The following PGM2 variants were observed in gnomAD, a reference collection of about 807,000 sequenced individuals.
PGM2 encodes the protein phosphopentomutase.
A neutral mutation model predicts 74.6 loss-of-function variants in PGM2; 57 were observed. The ratio of observed to expected loss-of-function variants is 0.76; its 90% confidence interval spans 0.62 to 0.95. PGM2 has a LOEUF of 0.95. Among genes scored for constraint, PGM2 ranks in the 40% least tolerant of loss-of-function variants. The pLI, the probability that PGM2 is intolerant of heterozygous loss-of-function variation, is 0.00. For synonymous variants in PGM2, 273 were observed against 260.7 expected (o/e 1.05, Z -0.46); for missense variants, 706 against 741.9 (o/e 0.95, Z 0.56).
chr4:37,862,039 A>T lies in PGM2; in HGVS notation c.*427A>T, dbSNP rs1020561474. On this transcript the variant is annotated 3_prime_UTR_variant, in exon 14 of 14. Transcript: ENST00000381967. The stretch of plus-strand genomic sequence containing the variant: ...GGATAGCCACTTTTTAGGTATATGT[A>T]CATTTATATTTCTATCAATTCCTTA... 6.5e-6 allele frequency: 1 copy of T among 154,242 alleles called. No individual in the cohort carries two copies. The highest frequency in any genetic ancestry group is 2.0e-4 in the South Asian group (1 of 4,988). The allele number at this position is 154,242 out of a possible 1,614,324, so 9.6% of individuals were successfully genotyped here. A position where few individuals can be genotyped will look rare whatever the true frequency, so the allele number is the denominator to read the frequency against.
At chr4:37,846,367 A>G (rs957008659) in intron 8 of PGM2, among the ~76,000 whole-genome samples, 1 of 152,160 alleles carries the variant, frequency 6.6e-6, no homozygotes, top group Non-Finnish European at 1.5e-5. Context: ...TCCATTCTAT[A>G]TCAGTGTTGA....
chr4:37,837,207 A>G (rs1725592140), intron 3 of PGM2, among the ~76,000 whole-genome samples: 1 of 152,188 alleles, frequency 6.6e-6, no homozygotes, highest in Non-Finnish European at 1.5e-5. Context: ...CCTGGCTGAG[A>G]ACCACTGAGA....
chr4:37,861,760 T>C lies in PGM2; in HGVS notation c.*148T>C. 1 of 488,618 alleles carries C rather than the reference T, an allele frequency of 2.0e-6. No homozygotes were observed. The highest frequency in any genetic ancestry group is 3.7e-6 in the Non-Finnish European group (1 of 268,906). The allele number at this position is 488,618 out of a possible 1,614,324, so 30.3% of individuals were successfully genotyped here. On this transcript the variant is annotated 3_prime_UTR_variant, in exon 14 of 14. Coordinates refer to ENST00000381967, the MANE Select transcript of PGM2 (RefSeq NM_018290.4). ...CCTACATTCCTCATTGTTTCATGTT[T>C]GACCTTTAAGGTGAAAAAAGAAAAT... is the stretch of plus-strand genomic sequence containing the variant.
chr4:37,848,579 G>A lies in PGM2; in HGVS notation c.1340G>A (p.Ser447Asn), dbSNP rs374089034. ...DKDGVSAAVI[S>N]AELASFLATK... Reference sequence around the variant, plus strand: ...GATGGAGTCAGTGCCGCTGTCATAAGTGCAGAGTTGGCTAGCTTCCTAGCA... The same window carrying A: ...GATGGAGTCAGTGCCGCTGTCATAAATGCAGAGTTGGCTAGCTTCCTAGCA... The change falls in exon 11 of 14, where the codon AGT becomes AAT. Residue 447 changes from serine to asparagine, a missense_variant. Around this residue, in one of 3 missense-constraint regions of PGM2, gnomAD observed 359 missense variants for 371.1 expected, o/e 0.97. Coordinates refer to ENST00000381967, the MANE Select transcript of PGM2 (RefSeq NM_018290.4). 20 of 1,613,604 alleles carry A rather than the reference G, an allele frequency of 1.2e-5. No homozygotes were observed. The highest frequency in any genetic ancestry group is 1.6e-4 in the Middle Eastern group (1 of 6,084).
At chr4:37,836,939 C>CA (rs1459353786) in intron 3 of PGM2, among the ~76,000 whole-genome samples, 1 of 151,968 alleles carries the variant, frequency 6.6e-6, no homozygotes, top group African/African-American at 2.4e-5. Flanking sequence ...AATCTCTAAT[C>CA]AAATTCCAGT....
At chr4:37,849,613 T>G (rs1196335103) in intron 11 of PGM2, among the ~76,000 whole-genome samples, 1 of 151,852 alleles carries the variant, frequency 6.6e-6, no homozygotes, top group African/African-American at 2.4e-5. Flanking sequence ...TTCACCATAT[T>G]GGCCAGGCTG....
chr4:37,847,540 G>C, intron 10 of PGM2: 1 of 442,786 alleles, frequency 2.3e-6, no homozygotes, highest in South Asian at 2.2e-5. Flanking sequence ...CAGTGACATT[G>C]TATGCTTGGC....
rs780802308 is a variant in PGM2 at position 37,861,566 on chromosome 4, A to G, written c.1793A>G (p.His598Arg). The part of the protein sequence containing the change: ...LNELVSAIEE[H>R]FFQPQKYNLQ... ...GAACTGGTCAGTGCTATTGAAGAAC[A>G]TTTTTTCCAGCCACAGAAGTACAAT... is the stretch of plus-strand genomic sequence containing the variant. The change falls in exon 14 of 14, where the codon CAT becomes CGT. Residue 598 changes from histidine to arginine, a missense_variant. Coordinates refer to ENST00000381967, the MANE Select transcript of PGM2 (RefSeq NM_018290.4). 6.2e-7 allele frequency: 1 copy of G among 1,613,340 alleles called. No homozygotes were observed. Among genetic ancestry groups the G allele is most frequent in the Non-Finnish European group, 8.5e-7 (1 of 1,179,580 alleles).
chr4:37,839,679 T>G (rs138416653), intron 4 of PGM2, 169 bp from the exon 5 acceptor site: 2 of 697,274 alleles, frequency 2.9e-6, no homozygotes, highest in African/African-American at 1.7e-5. Context: ...CAGTTAATTC[T>G]AAGGGTAATT....
intron 2 of PGM2, among the ~76,000 whole-genome samples, chr4:37,833,219 T>G (rs1205248679): frequency 6.6e-6 from 1 of 152,184 alleles, no homozygotes; most frequent in Non-Finnish European, 1.5e-5. Context: ...TAAATTAGCT[T>G]GGCTCTCGCA....
rs1430650465 is a variant in PGM2, at chr4:37,826,771, C to T, written c.39C>T (p.Ala13=). The change falls in exon 1 of 14, where the codon GCC becomes GCT. Residue 13 remains alanine (A), a synonymous_variant. Coordinates refer to ENST00000381967, the MANE Select transcript of PGM2 (RefSeq NM_018290.4). The part of the protein sequence containing the change: ...APEGSGLGED[A]RLDQETAQWL... ...AAGGCAGCGGTCTAGGCGAGGACGC[C>T]CGGCTGGACCAGGAGACCGCCCAGT... 1.3e-6 allele frequency: 2 copies of T among 1,549,754 alleles called. No homozygotes were observed. Among genetic ancestry groups the T allele is most frequent in the Admixed American group, 3.9e-5 (2 of 50,996 alleles).
intron 11 of PGM2, 95 bp downstream of exon 11, chr4:37,848,746 T>C: frequency 3.1e-6 from 3 of 960,534 alleles, no homozygotes; most frequent in Non-Finnish European, 3.2e-6. Context: ...TCTAATGCTC[T>C]TATTTTGGTG....
At chr4:37,856,253 C>A (rs5019417) in intron 13 of PGM2, among the ~76,000 whole-genome samples, 1 of 150,992 alleles carries the variant, frequency 6.6e-6, no homozygotes, top group Non-Finnish European at 1.5e-5. Flanking sequence ...GGCGTGGTGG[C>A]GGGCGCCTGT....
chr4:37,861,426 TG>T, intron 13 of PGM2, 83 bp from the exon 14 acceptor site: 1 of 709,286 alleles, frequency 1.4e-6, no homozygotes, highest in Non-Finnish European at 2.3e-6. Flanking sequence ...ATATTTTCAT[TG>T]TCACTTGGTC....
chr4:37,850,453 CAATT>C (rs1459342405), intron 12 of PGM2, 80 bp downstream of exon 12: 6 of 878,442 alleles, frequency 6.8e-6, no homozygotes, highest in Non-Finnish European at 9.8e-6. Context: ...TTTAACCATA[CAATT>C]AATTGAAGCT....
At position 37,855,702 on chromosome 4, in the gene PGM2, T is replaced by A. The variant is rs1049357129; in HGVS notation, c.1697T>A (p.Ile566Asn). ...CGCACCAGTGGGACAGAGCCCAAAA[T>A]CAAGTACTATGCAGAGCTGTGTGCC... ...TMRTSGTEPKIKYYAELCAPP... is the reference protein window; with the variant it reads ...TMRTSGTEPKNKYYAELCAPP... Residue 566 changes from isoleucine to asparagine, a missense_variant, in exon 13 of 14, where the codon ATC becomes AAC. Ile to Asn is a moderately radical substitution (Grantham distance 149). Around this residue, in one of 3 missense-constraint regions of PGM2, gnomAD observed 359 missense variants for 371.1 expected, o/e 0.97. Transcript: ENST00000381967. 1 of 1,614,080 alleles carries A rather than the reference T, an allele frequency of 6.2e-7. No homozygotes were observed. Among genetic ancestry groups the A allele is most frequent in the Non-Finnish European group, 8.5e-7 (1 of 1,179,998 alleles).
rs1711779838 is a variant in PGM2 at position 37,861,650 on chromosome 4, A to G, written c.*38A>G. The G allele has an allele frequency of 2.3e-6, 3 of 1,292,532 alleles. No homozygotes were observed. Among genetic ancestry groups the G allele is most frequent in the Non-Finnish European group, 2.3e-6 (2 of 886,994 alleles). 80.1% of individuals were successfully genotyped at this position (1,292,532 alleles called of 1,614,324 possible). On this transcript the variant is annotated 3_prime_UTR_variant, in exon 14 of 14. Coordinates refer to ENST00000381967, the MANE Select transcript of PGM2 (RefSeq NM_018290.4). The stretch of plus-strand genomic sequence containing the variant: ...TTGGGTATACTTGCATTTACCTACA[A>G]TTAAGCTGGGTTTAACTTGTTAAGC...
chr4:37,837,684 CTT>C (rs1422253544), intron 4 of PGM2, 71 bp downstream of exon 4: 1 of 926,686 alleles, frequency 1.1e-6, no homozygotes, highest in African/African-American at 1.6e-5. Context: ...ATTTTATAGT[CTT>C]TAGGGCTATT....
At chr4:37,851,045 G>A (rs917027166) in intron 12 of PGM2, among the ~76,000 whole-genome samples, 6 of 149,954 alleles carry the variant, frequency 4.0e-5, no homozygotes, top group African/African-American at 9.9e-5. Context: ...TGGTCATTTC[G>A]CACCTTAGGC....
Sources: gnomAD v4.1 joint callset for allele counts (sites outside exome capture counted in the v4.1 genomes callset) on GRCh38, gnomAD v4.1.1 for gene constraint, gnomAD v4.1.1 regional missense constraint, MANE v1.5 for transcripts, NCBI Gene and HGNC (gene_info 2026-07-23, HGNC 2026-07-21) for gene names.